Variants in CHST9 observed in about 807,000 individuals in gnomAD.
The protein encoded by CHST9 is carbohydrate sulfotransferase 9.
In CHST9, 41 loss-of-function variants were observed where a neutral mutation model predicts 44.4. The ratio of observed to expected loss-of-function variants is 0.92; its 90% confidence interval spans 0.72 to 1.20. CHST9 has a LOEUF of 1.20. Among genes scored for constraint, CHST9 ranks in the 50% most tolerant of loss-of-function variants. The pLI is 0.00. For missense variants in CHST9, 504 were observed against 516.5 expected (o/e 0.98, Z 0.23); for synonymous variants, 171 against 178.4 (o/e 0.96, Z 0.33).
At chr18:27,007,142 A>G (rs1209225527) in intron 4 of CHST9, among the ~76,000 whole-genome samples, 1 of 152,212 alleles carries the variant, frequency 6.6e-6, no homozygotes, top group Non-Finnish European at 1.5e-5. Flanking sequence ...TGAATAGTTG[A>G]CAATGCTACC....
chr18:27,084,057 G>A (rs2057985308), intron 2 of CHST9, among the ~76,000 whole-genome samples: 1 of 150,862 alleles, frequency 6.6e-6, no homozygotes, highest in Non-Finnish European at 1.5e-5. Context: ...TTTTGTTGAG[G>A]ATTTTTGTAT....
chr18:27,142,474 T>C (rs2058575990), intron 2 of CHST9, among the ~76,000 whole-genome samples: 1 of 152,194 alleles, frequency 6.6e-6, no homozygotes, highest in Non-Finnish European at 1.5e-5. Flanking sequence ...CCCACTGAGA[T>C]AACAAAAATT....
At chr18:27,183,741 A>T (rs1223838153) in intron 1 of CHST9, among the ~76,000 whole-genome samples, 1 of 152,168 alleles carries the variant, frequency 6.6e-6, no homozygotes, top group Non-Finnish European at 1.5e-5. Context: ...TGTAAATTTG[A>T]TTCACTTTGA....
chr18:27,132,197 C>T (rs940918572), intron 2 of CHST9, among the ~76,000 whole-genome samples: 8 of 152,292 alleles, frequency 5.3e-5, no homozygotes, highest in African/African-American at 1.9e-4. Flanking sequence ...ATGATAGTCA[C>T]ATAAAATTTA....
chr18:27,071,213 T>C (rs1445915067), intron 2 of CHST9, among the ~76,000 whole-genome samples: 1 of 152,074 alleles, frequency 6.6e-6, no homozygotes. Context: ...TTTCTCTAAC[T>C]GGATCCTGAT....
At position 26,911,849 on chromosome 18, in the gene CHST9, C is replaced by T. The variant is rs1449314884; in HGVS notation, c.*4410G>A. ...CTTCTAGCAAGAGCTTATTTATTTT[C>T]ACCTGGTTTCATGGTGTTTTTTCAG... On this transcript the variant is annotated 3_prime_UTR_variant, in exon 6 of 6. Transcript: ENST00000618847. The T allele has an allele frequency of 2.3e-5, 2 of 87,498 alleles. No homozygotes were observed. The highest frequency in any genetic ancestry group is 4.5e-5 in the Non-Finnish European group (2 of 44,642). The allele number at this position is 87,498 out of a possible 1,614,324, so 5.4% of individuals were successfully genotyped here. A position where few individuals can be genotyped will look rare whatever the true frequency, so the allele number is the denominator to read the frequency against.
At chr18:27,141,609 A>C (rs2058567139) in intron 2 of CHST9, among the ~76,000 whole-genome samples, 1 of 150,862 alleles carries the variant, frequency 6.6e-6, no homozygotes, top group African/African-American at 2.4e-5. Context: ...AAAAAAAAAA[A>C]AAAAAAAGTA....
chr18:27,056,158 G>A (rs2062420), intron 2 of CHST9, among the ~76,000 whole-genome samples: 50,738 of 151,954 alleles, frequency 0.33, 9,787 homozygotes, highest in Non-Finnish European at 0.45. Context: ...TGTTTCAGGA[G>A]TAAGATACTT....
chr18:26,992,400 C>G (rs1445579512), intron 4 of CHST9, among the ~76,000 whole-genome samples: 2 of 151,982 alleles, frequency 1.3e-5, no homozygotes, highest in Non-Finnish European at 2.9e-5. Context: ...CACTGAAGCT[C>G]CTGAGCCTAG....
At chr18:27,038,611 T>C (rs7240416) in intron 3 of CHST9, among the ~76,000 whole-genome samples, 42 of 152,286 alleles carry the variant, frequency 2.8e-4, no homozygotes, top group African/African-American at 8.7e-4. Flanking sequence ...CACATGTGGC[T>C]GTTGAGAACT....
At chr18:27,065,831 A>G (rs2057776705) in intron 2 of CHST9, among the ~76,000 whole-genome samples, 1 of 152,190 alleles carries the variant, frequency 6.6e-6, no homozygotes, top group Admixed American at 6.5e-5. Context: ...ACCCCATTCT[A>G]TCAATCTTCC....
At chr18:27,073,739 C>G (rs2057868801) in intron 2 of CHST9, among the ~76,000 whole-genome samples, 1 of 152,070 alleles carries the variant, frequency 6.6e-6, no homozygotes, top group Admixed American at 6.5e-5. Context: ...CCCCGCAACC[C>G]CCTGCAAGAA....
chr18:26,933,327 A>T (rs1598570218), intron 5 of CHST9, among the ~76,000 whole-genome samples: 2 of 152,350 alleles, frequency 1.3e-5, no homozygotes, highest in East Asian at 3.9e-4. Context: ...GGGTCACTGA[A>T]TCAATCTCTT....
chr18:26,985,846 T>C (rs914346936), intron 4 of CHST9, among the ~76,000 whole-genome samples: 2 of 152,202 alleles, frequency 1.3e-5, no homozygotes, highest in African/African-American at 4.8e-5. Flanking sequence ...TTTAGGGCAT[T>C]GAGTAGATGC....
At chr18:26,934,107 A>C (rs2055932181) in intron 5 of CHST9, among the ~76,000 whole-genome samples, 1 of 152,266 alleles carries the variant, frequency 6.6e-6, no homozygotes, top group South Asian at 2.1e-4. Flanking sequence ...AGATGGGATG[A>C]AAGAGGAGGT....
intron 4 of CHST9, among the ~76,000 whole-genome samples, chr18:26,962,603 T>C (rs2056414502): frequency 6.6e-6 from 1 of 152,186 alleles, no homozygotes; most frequent in Non-Finnish European, 1.5e-5. Flanking sequence ...GTAGTCTCTT[T>C]CTATATAATC....
chr18:26,985,677 G>A (rs1209063669), intron 4 of CHST9, among the ~76,000 whole-genome samples: 1 of 152,176 alleles, frequency 6.6e-6, no homozygotes, highest in Non-Finnish European at 1.5e-5. Flanking sequence ...TTCCCATTGG[G>A]TATTCAGCAA....
In CHST9 at chr18:26,950,976, T is replaced by G. The variant is rs549874135; in HGVS notation, c.203-6610A>C. On this transcript the variant is annotated intron_variant, in intron 4 of 5. Coordinates refer to ENST00000618847, the MANE Select transcript of CHST9 (RefSeq NM_031422.6). The stretch of plus-strand genomic sequence containing the variant: ...GTTAGAGGATTAAAGAGGGAAAAAA[T>G]AAAAAAATTGACAAAGTTGTCTGAC... Among the ~76,000 whole-genome samples, 117 of 152,150 alleles carry G rather than the reference T, an allele frequency of 7.7e-4. 1 individual carries two copies. Among genetic ancestry groups the G allele is most frequent in the African/African-American group, 2.8e-3 (115 of 41,522 alleles).
intron 4 of CHST9, among the ~76,000 whole-genome samples, chr18:27,019,241 G>C (rs1429478692): frequency 6.6e-6 from 1 of 152,136 alleles, no homozygotes; most frequent in East Asian, 1.9e-4. Flanking sequence ...CCGGTTTGTG[G>C]ACCCACAGTA....
Sources: allele counts gnomAD v4.1 joint callset (sites outside exome capture counted in the v4.1 genomes callset), GRCh38; gene constraint gnomAD v4.1.1; transcripts MANE v1.5; gene names NCBI Gene and HGNC (gene_info 2026-07-23, HGNC 2026-07-21).